The following ZNRF3 variants were observed in gnomAD, a reference collection of about 807,000 sequenced individuals.
ZNRF3 encodes E3 ubiquitin-protein ligase ZNRF3.
ZNRF3 carries 23 observed loss-of-function variants against 72.5 expected under a neutral mutation model. The observed-to-expected ratio is 0.32, with a 90% CI of 0.23 to 0.45. ZNRF3 has a LOEUF of 0.45. Ranked by LOEUF, ZNRF3 falls within the 20% of genes least tolerant of loss-of-function variation. The probability of loss-of-function intolerance (pLI) is 1.00; values close to 1 mark genes in which losing one functional copy is unlikely to be tolerated. For missense variants in ZNRF3, 1,169 were observed against 1,272.1 expected, an observed-to-expected ratio of 0.92 and a Z score of 1.23; for synonymous variants, 610 against 545.3, an observed-to-expected ratio of 1.12 and a Z score of -1.65.
At chr22:29,043,983 C>T (rs1163996217) in intron 4 of ZNRF3, among the ~76,000 whole-genome samples, 1 of 152,172 alleles carries the variant, frequency 6.6e-6, no homozygotes, top group Admixed American at 6.5e-5. Flanking sequence ...CACTACTGGC[C>T]ACTAACTCTT....
Position 29,026,682 on chromosome 22 carries a change from C to CA in ZNRF3, c.427-15809dup, listed in dbSNP as rs1463913367. On this transcript the variant is annotated intron_variant, in intron 2 of 8. Coordinates refer to ENST00000544604, the MANE Select transcript of ZNRF3 (RefSeq NM_001206998.2). ...TCAGGAGGACTTCTGCCACAAACCC[C>CA]AAAAGCTTGCCCCGTATAAATGGTT... is the stretch of plus-strand genomic sequence containing the variant. 7 of 152,320 alleles carry CA rather than the reference C, an allele frequency of 4.6e-5. No homozygotes were observed. The East Asian group carries it at 1.4e-3, about 29-fold the overall frequency. 9.4% of individuals were successfully genotyped at this position (152,320 alleles called of 1,614,324 possible).
At chr22:28,923,966 C>T (rs1162362220) in intron 1 of ZNRF3, among the ~76,000 whole-genome samples, 2 of 152,350 alleles carry the variant, frequency 1.3e-5, no homozygotes, top group South Asian at 2.1e-4. Context: ...TCTCGGATCC[C>T]GCGTGGGCGC....
At chr22:28,908,465 T>G (rs2123758656) in intron 1 of ZNRF3, among the ~76,000 whole-genome samples, 1 of 152,282 alleles carries the variant, frequency 6.6e-6, no homozygotes, top group South Asian at 2.1e-4. Flanking sequence ...CGAGAGTCAC[T>G]AACTAGCAAC....
Position 28,984,867 on chromosome 22 carries a change from A to G in ZNRF3, c.301-2209A>G, listed in dbSNP as rs142684172. Among the ~76,000 whole-genome samples the G allele has an allele frequency of 2.5e-4, 38 of 152,358 alleles. No individual in the cohort carries two copies. The East Asian group carries it at 6.7e-3, about 27-fold the overall frequency. ...AAGGTTGCCCCACCCATGGCACCGC[A>G]GAACCTCCATTGGCCCTTCAGGCAA... On this transcript the variant is annotated intron_variant, in intron 1 of 8. Transcript: ENST00000544604.
At chr22:29,027,297 G>A (rs2036655498) in intron 2 of ZNRF3, among the ~76,000 whole-genome samples, 1 of 151,754 alleles carries the variant, frequency 6.6e-6, no homozygotes, top group African/African-American at 2.4e-5. Context: ...CCCCCAGGCT[G>A]GAGTGCAATG....
chr22:28,934,418 G>A (rs2034782339), intron 1 of ZNRF3, among the ~76,000 whole-genome samples: 1 of 152,152 alleles, frequency 6.6e-6, no homozygotes, highest in African/African-American at 2.4e-5. Flanking sequence ...ATCACAAAAA[G>A]TCTTAAAGAA....
At chr22:28,945,642 G>T (rs1365434819) in intron 1 of ZNRF3, among the ~76,000 whole-genome samples, 2 of 151,348 alleles carry the variant, frequency 1.3e-5, no homozygotes, top group East Asian at 3.9e-4. Flanking sequence ...CGATTCTTCT[G>T]CCTCAGCCTC....
intron 2 of ZNRF3, among the ~76,000 whole-genome samples, chr22:29,023,093 G>A (rs1371196726): frequency 6.6e-6 from 1 of 152,130 alleles, no homozygotes; most frequent in African/African-American, 2.4e-5. Flanking sequence ...CAGGAATTCT[G>A]TAATTCTGAT....
intron 2 of ZNRF3, among the ~76,000 whole-genome samples, chr22:29,004,625 CTT>C (rs1489031092): frequency 2.0e-5 from 3 of 152,202 alleles, no homozygotes; most frequent in Non-Finnish European, 4.4e-5. Flanking sequence ...CTTTGTGTCT[CTT>C]CAACAGAAAG....
At chr22:28,975,278 C>T (rs1043969140) in intron 1 of ZNRF3, among the ~76,000 whole-genome samples, 3 of 151,872 alleles carry the variant, frequency 2.0e-5, no homozygotes, top group Admixed American at 1.3e-4. Context: ...CCGAGGTGGG[C>T]GGATCACAAG....
chr22:29,007,901 C>T (rs1012750096), intron 2 of ZNRF3, among the ~76,000 whole-genome samples: 12 of 151,700 alleles, frequency 7.9e-5, no homozygotes, highest in East Asian at 3.9e-4. Context: ...GGATTACAGG[C>T]GTGCACAACC....
chr22:28,970,389 C>T (rs897721740), intron 1 of ZNRF3, among the ~76,000 whole-genome samples: 1 of 152,196 alleles, frequency 6.6e-6, no homozygotes, highest in African/African-American at 2.4e-5. Flanking sequence ...GGAAGTGGAA[C>T]AATGGGAACC....
At chr22:28,981,364 T>C (rs905439440) in intron 1 of ZNRF3, among the ~76,000 whole-genome samples, 1 of 152,160 alleles carries the variant, frequency 6.6e-6, no homozygotes, top group African/African-American at 2.4e-5. Flanking sequence ...TTTTATCTTT[T>C]TAAAAAAATT....
At chr22:28,985,265 T>C (rs1308322333) in intron 1 of ZNRF3, among the ~76,000 whole-genome samples, 2 of 152,226 alleles carry the variant, frequency 1.3e-5, no homozygotes, top group East Asian at 1.9e-4. Context: ...TCCTGGTTTT[T>C]GAGCCCTTCT....
chr22:28,903,555 G>A (rs982951343), intron 1 of ZNRF3, among the ~76,000 whole-genome samples: 1 of 152,112 alleles, frequency 6.6e-6, no homozygotes, highest in Admixed American at 6.6e-5. Flanking sequence ...TGATTGGAGA[G>A]CAGAATTTTT....
chr22:28,883,803 G>GGCCGCC lies in ZNRF3; in HGVS notation c.50_55dup (p.Arg17_Arg18dup), dbSNP rs889171200. ...CTCGGGCGGGCGCCCAGGGGCCACG[G>GGCCGCC]GCCGCCGCCGCCGCCGCCTGCGCCG... On this transcript the variant is annotated inframe_insertion, in exon 1 of 9. Coordinates refer to ENST00000544604, the MANE Select transcript of ZNRF3 (RefSeq NM_001206998.2). The surrounding 1 kb of genome is among the most constrained non-coding windows in gnomAD (Gnocchi z 5.5). The GGCCGCC allele has an allele frequency of 9.2e-6, 9 of 978,594 alleles. No individual in the cohort carries two copies. Among genetic ancestry groups the GGCCGCC allele is most frequent in the African/African-American group, 1.8e-5 (1 of 56,158 alleles). 60.6% of individuals were successfully genotyped at this position (978,594 alleles called of 1,614,324 possible). A position where few individuals can be genotyped will look rare whatever the true frequency, so the allele number is the denominator to read the frequency against.
At chr22:28,891,232 C>A (rs550838598) in intron 1 of ZNRF3, among the ~76,000 whole-genome samples, 2 of 152,046 alleles carry the variant, frequency 1.3e-5, no homozygotes, top group East Asian at 3.9e-4. Flanking sequence ...TAGAGATGAC[C>A]CAGGATTAAT....
At chr22:28,931,123 G>A (rs185512189) in intron 1 of ZNRF3, among the ~76,000 whole-genome samples, 8 of 152,312 alleles carry the variant, frequency 5.3e-5, no homozygotes, top group Admixed American at 5.2e-4. Flanking sequence ...AGTCATTTCA[G>A]TGCAACACTT....
At chr22:29,028,208 CT>C (rs1240568407) in intron 2 of ZNRF3, among the ~76,000 whole-genome samples, 1 of 152,138 alleles carries the variant, frequency 6.6e-6, no homozygotes, top group Non-Finnish European at 1.5e-5. Context: ...AATATAACGC[CT>C]TTGGATGAAA....
Sources: allele counts gnomAD v4.1 joint callset (sites outside exome capture counted in the v4.1 genomes callset), GRCh38; gene constraint gnomAD v4.1.1; non-coding constraint Gnocchi (gnomAD v3.1); transcripts MANE v1.5; gene names NCBI Gene and HGNC (gene_info 2026-07-23, HGNC 2026-07-21).